The following SMAP2 variants were observed in gnomAD, a reference collection of about 807,000 sequenced individuals.
SMAP2 encodes stromal membrane-associated protein 2.
A neutral mutation model predicts 56.4 loss-of-function variants in SMAP2; 25 were observed. That is an observed-to-expected ratio of 0.44 (90% CI 0.32 to 0.62). The LOEUF (loss-of-function observed/expected upper bound fraction) is 0.62. Ranked by LOEUF, SMAP2 falls within the 20% of genes least tolerant of loss-of-function variation. SMAP2 has a pLI of 0.04. For synonymous variants in SMAP2, 157 were observed against 181.7 expected, an observed-to-expected ratio of 0.86 and a Z score of 1.09; for missense variants, 388 against 545.6, an observed-to-expected ratio of 0.71 and a Z score of 2.88.
upstream of SMAP2, among the ~76,000 whole-genome samples, chr1:40,371,097 T>C (rs1412481389): frequency 5.9e-5 from 9 of 151,816 alleles, no homozygotes; most frequent in African/African-American, 2.2e-4. Context: ...TGCTTGAACC[T>C]GGGAGGCGGA....
In SMAP2 at chr1:40,409,790, G is replaced by A; in HGVS notation, c.357G>A (p.Glu119=). The A allele has an allele frequency of 3.1e-6, 5 of 1,613,614 alleles. No individual in the cohort carries two copies. In the South Asian group the frequency reaches 5.5e-5, roughly 18 times the overall value. The change falls in exon 4 of 10, where the codon GAG becomes GAA. Residue 119 remains glutamate, a synonymous_variant. Coordinates refer to ENST00000372718, the MANE Select transcript of SMAP2 (RefSeq NM_022733.3). The part of the protein sequence containing the change: ...AVEGFIRDKY[E]KKKYMDRSLD... ...AAGGATTTATTCGAGACAAATATGA[G>A]AAGAAGAAATACATGGACCGAAGTC...
At chr1:40,351,761 C>T (rs1557820477) in intron 1 of SMAP2, among the ~76,000 whole-genome samples, 1 of 152,158 alleles carries the variant, frequency 6.6e-6, no homozygotes, top group Admixed American at 6.5e-5. Context: ...CTTGGCCTCT[C>T]AAATTGCTGG....
rs1036823692 is a variant in SMAP2 at position 40,413,248 on chromosome 1, A to C, written c.489+146A>C. On this transcript the variant is annotated intron_variant, in intron 5 of 9. Coordinates refer to ENST00000372718, the MANE Select transcript of SMAP2 (RefSeq NM_022733.3). ...CTGCATCTGGATTGGACTGCCTGCT[A>C]TCATTTCTGCTCTCTCGTTACCAGT... is the stretch of plus-strand genomic sequence containing the variant. 4.1e-5 allele frequency: 28 copies of C among 677,790 alleles called. 1 individual carries two copies. The highest frequency in any genetic ancestry group is 2.2e-4 in the Admixed American group (9 of 40,562). 42.0% of individuals were successfully genotyped at this position (677,790 alleles called of 1,614,324 possible).
At chr1:40,372,887 GA>G (rs564465264), upstream of SMAP2, among the ~76,000 whole-genome samples, 489 of 152,314 alleles carry the variant, frequency 3.2e-3, no homozygotes, top group African/African-American at 0.011. Context: ...GTGAATGAAT[GA>G]ATGAATGAGT....
chr1:40,383,505 A>G (rs2124238702), intron 1 of SMAP2, among the ~76,000 whole-genome samples: 1 of 152,314 alleles, frequency 6.6e-6, no homozygotes. Context: ...CCCTTATAGT[A>G]TTTGAATTAT....
chr1:40,389,986 C>T (rs977772441), intron 1 of SMAP2, among the ~76,000 whole-genome samples: 5 of 140,112 alleles, frequency 3.6e-5, no homozygotes, highest in Non-Finnish European at 7.6e-5. Context: ...GATCTTTGTA[C>T]TCACATGGCT....
chr1:40,406,842 C>T lies in SMAP2; in HGVS notation c.210C>T (p.Leu70=), dbSNP rs745817843. The T allele has an allele frequency of 1.1e-5, 18 of 1,613,754 alleles. No individual in the cohort carries two copies. The highest frequency in any genetic ancestry group is 4.5e-5 in the East Asian group (2 of 44,886). Residue 70 remains leucine (L), a synonymous_variant, in exon 2 of 10, where the codon CTC becomes CTT. Transcript: ENST00000372718. The stretch of plus-strand genomic sequence containing the variant: ...TATCCAGGGTAAAGTCAGTTAACCT[C>T]GACCAGTGGACTCAAGAACAGATTC... ...VHISRVKSVN[L]DQWTQEQIQC...
Position 40,422,307 on chromosome 1 carries a change from C to T in SMAP2, c.*206C>T, listed in dbSNP as rs1176763333. ...GCTTTATGTTGTACATGCCCCATAG[C>T]CATCCCAACGTCCTCCCCAGTCCTC... On this transcript the variant is annotated 3_prime_UTR_variant, in exon 10 of 10. Transcript: ENST00000372718. 1 of 596,386 alleles carries T rather than the reference C, an allele frequency of 1.7e-6. No individual in the cohort carries two copies. Among genetic ancestry groups the T allele is most frequent in the African/African-American group, 1.9e-5 (1 of 53,346 alleles). 36.9% of individuals were successfully genotyped at this position (596,386 alleles called of 1,614,324 possible).
chr1:40,364,808 G>T lies in SMAP2; in HGVS notation c.55+2372G>T, dbSNP rs188278130. 26 of 153,648 alleles carry T rather than the reference G, an allele frequency of 1.7e-4. No individual in the cohort carries two copies. The East Asian group carries it at 4.7e-3, about 28-fold the overall frequency. The allele number at this position is 153,648 out of a possible 1,614,324, so 9.5% of individuals were successfully genotyped here. A position where few individuals can be genotyped will look rare whatever the true frequency, so the allele number is the denominator to read the frequency against. ...CACAGGGACATCAAGGTGCTGAAAA[G>T]CTCAATAAGAATAATAATCGGTCAA... On this transcript the variant is annotated intron_variant, in intron 2 of 6. Transcript: ENST00000435168.
chr1:40,375,982 G>A (rs185345677), intron 1 of SMAP2, among the ~76,000 whole-genome samples: 8 of 151,514 alleles, frequency 5.3e-5, no homozygotes, highest in East Asian at 3.9e-4. Context: ...AGACAGTTTC[G>A]CTTTGTCGCC....
In SMAP2 at chr1:40,416,632, A is replaced by G; in HGVS notation, c.848-148A>G. The G allele has an allele frequency of 6.8e-6, 6 of 881,542 alleles. 1 individual carries two copies. The South Asian group carries it at 1.1e-4, about 16-fold the overall frequency. 54.6% of individuals were successfully genotyped at this position (881,542 alleles called of 1,614,324 possible). ...ATTGGTAAGCTATAGCAGGCCTCGT[A>G]GGGACTCTAACTACTTTGCTGTGTA... On this transcript the variant is annotated intron_variant, in intron 8 of 9. Coordinates refer to ENST00000372718, the MANE Select transcript of SMAP2 (RefSeq NM_022733.3).
chr1:40,354,767 A>ATTTTTTTTTTTTTTTTTT lies in SMAP2; in HGVS notation c.-82-7523_-82-7506dup, dbSNP rs774191085. Among the ~76,000 whole-genome samples, 11 of 67,330 alleles carry ATTTTTTTTTTTTTTTTTT rather than the reference A, an allele frequency of 1.6e-4. 4 individuals are homozygous for ATTTTTTTTTTTTTTTTTT. The highest frequency in any genetic ancestry group is 2.0e-4 in the Non-Finnish European group (8 of 39,594). 44.2% of individuals were successfully genotyped at this position (67,330 alleles called of 152,430 possible). A position where few individuals can be genotyped will look rare whatever the true frequency, so the allele number is the denominator to read the frequency against. On this transcript the variant is annotated intron_variant, in intron 1 of 6. Transcript: ENST00000435168. ...GCAGTGAAATGAACCAAAACATTGA[A>ATTTTTTTTTTTTTTTTTT]TTTTTTTTTTTTTTTTTTTTTTTTT... is the stretch of plus-strand genomic sequence containing the variant.
intron 1 of SMAP2, among the ~76,000 whole-genome samples, chr1:40,361,647 C>T (rs1360593515): frequency 6.6e-6 from 1 of 152,098 alleles, no homozygotes; most frequent in East Asian, 1.9e-4. Flanking sequence ...CACAAGCTGA[C>T]CAAAGAGCCC....
intron 9 of SMAP2, among the ~76,000 whole-genome samples, chr1:40,421,424 T>C (rs1645040450): frequency 6.6e-6 from 1 of 151,864 alleles, no homozygotes; most frequent in South Asian, 2.1e-4. Flanking sequence ...GCTCCTTCCC[T>C]TCTTATACAC....
At chr1:40,344,951 T>G (rs1479291759) in intron 1 of SMAP2, 1 of 129,478 alleles carries the variant, frequency 7.7e-6, no homozygotes, top group African/African-American at 2.7e-5. Context: ...TTCTTTTCTT[T>G]TTTTTCTTTT....
intron 1 of SMAP2, among the ~76,000 whole-genome samples, chr1:40,393,101 C>CA (rs11380652): frequency 0.83 from 119,070 of 144,046 alleles, 49,205 homozygotes; most frequent in African/African-American, 0.88. Context: ...GAATCCATCT[C>CA]AAAAAAAAAA....
chr1:40,409,515 T>G (rs916005365), intron 3 of SMAP2, among the ~76,000 whole-genome samples: 1 of 152,230 alleles, frequency 6.6e-6, no homozygotes, highest in Non-Finnish European at 1.5e-5. Context: ...GAAGGTTAAT[T>G]CCACTTGCTG....
At chr1:40,381,696 A>G (rs892723051) in intron 1 of SMAP2, among the ~76,000 whole-genome samples, 39 of 152,130 alleles carry the variant, frequency 2.6e-4, no homozygotes, top group Non-Finnish European at 5.6e-4. Context: ...GATTTTGAAT[A>G]TGCACTGTGC....
intron 1 of SMAP2, among the ~76,000 whole-genome samples, chr1:40,400,402 G>A (rs760140901): frequency 5.3e-5 from 8 of 152,228 alleles, no homozygotes; most frequent in Non-Finnish European, 1.2e-4. Context: ...GTGGAGAATG[G>A]TTTTGGTTTG....
Sources: gnomAD v4.1 joint callset for allele counts (sites outside exome capture counted in the v4.1 genomes callset) on GRCh38, gnomAD v4.1.1 for gene constraint, MANE v1.5 for transcripts, NCBI Gene and HGNC (gene_info 2026-07-23, HGNC 2026-07-21) for gene names.